Variants in LEKR1 observed in about 807,000 individuals in gnomAD.
LEKR1 encodes protein LEKR1.
A neutral mutation model predicts 72.4 loss-of-function variants in LEKR1; 59 were observed. The ratio of observed to expected loss-of-function variants is 0.82; its 90% CI spans 0.66 to 1.01. LEKR1 has a LOEUF of 1.01. Among genes scored for constraint, LEKR1 ranks in the 50% least tolerant of loss-of-function variants. The pLI is 0.00. For missense variants in LEKR1, 728 were observed against 759.2 expected, an observed-to-expected ratio of 0.96 and a Z score of 0.48; for synonymous variants, 257 against 263.2, an observed-to-expected ratio of 0.98 and a Z score of 0.23.
chr3:156,851,743 A>G (rs975607330), intron 2 of LEKR1, among the ~76,000 whole-genome samples: 6 of 152,086 alleles, frequency 3.9e-5, no homozygotes, highest in Admixed American at 6.6e-5. Flanking sequence ...TGGCATTACT[A>G]TTAGTTACAG....
rs902619193 is a variant in LEKR1 at position 156,899,243 on chromosome 3, CATATATATACAT to C, written c.264-21322_264-21311del. On this transcript the variant is annotated intron_variant, in intron 3 of 12. Transcript: ENST00000356539. Reference sequence around the variant, plus strand: ...CTGTGTTCCTAGCTCTGTCTATATACATATATATACATATATATATATACACACATGTATATA... The same window carrying C: ...CTGTGTTCCTAGCTCTGTCTATATACATATATATATACACACATGTATATA... 5.7e-4 allele frequency among the ~76,000 whole-genome samples: 25 copies of C among 43,600 alleles called. No individual in the cohort carries two copies. The South Asian group carries it at 0.021, about 37-fold the overall frequency. The allele number at this position is 43,600 out of a possible 152,430, so 28.6% of individuals were successfully genotyped here.
At chr3:156,990,554 T>C (rs1731072265) in intron 7 of LEKR1, among the ~76,000 whole-genome samples, 1 of 152,198 alleles carries the variant, frequency 6.6e-6, no homozygotes, top group Non-Finnish European at 1.5e-5. Context: ...CAGATCATCC[T>C]CCCCATTTAC....
At chr3:156,895,567 C>T (rs1459572086) in intron 3 of LEKR1, among the ~76,000 whole-genome samples, 1 of 151,900 alleles carries the variant, frequency 6.6e-6, no homozygotes, top group Admixed American at 6.6e-5. Flanking sequence ...GCTGAGATTG[C>T]ACCACTGCAC....
intron 3 of LEKR1, among the ~76,000 whole-genome samples, chr3:156,872,385 CTT>C (rs1174460657): frequency 3.3e-5 from 5 of 151,836 alleles, no homozygotes; most frequent in Non-Finnish European, 7.4e-5. Context: ...TCAAAATAAA[CTT>C]TTCATTTCAT....
At chr3:156,869,400 T>C (rs1452040171) in intron 3 of LEKR1, among the ~76,000 whole-genome samples, 4 of 152,084 alleles carry the variant, frequency 2.6e-5, no homozygotes, top group East Asian at 1.9e-4. Context: ...CTGTTCTAAC[T>C]GGGGTAAGAT....
rs184600388 is a variant in LEKR1 at position 157,004,184 on chromosome 3, C to G, written c.1110-7229C>G. 1.6e-4 allele frequency among the ~76,000 whole-genome samples: 24 copies of G among 152,066 alleles called. No homozygotes were observed. The South Asian group carries it at 3.9e-3, about 25-fold the overall frequency. On this transcript the variant is annotated intron_variant, in intron 9 of 12. Coordinates refer to ENST00000356539, the MANE Select transcript of LEKR1 (RefSeq NM_001004316.3). Reference sequence around the variant, plus strand: ...GACCCTAATCAGAAAGCTGTAATGGCTTTACAAAGTAGATTTTGGAACAAA... The same window carrying G: ...GACCCTAATCAGAAAGCTGTAATGGGTTTACAAAGTAGATTTTGGAACAAA...
intron 10 of LEKR1, chr3:157,017,217 A>T (rs894800465): frequency 3.3e-5 from 5 of 152,202 alleles, no homozygotes; most frequent in Non-Finnish European, 7.3e-5. Flanking sequence ...GGCATGGCTG[A>T]ATTTAGTCTG....
chr3:156,851,486 A>T (rs1715355161), intron 2 of LEKR1, among the ~76,000 whole-genome samples: 1 of 152,188 alleles, frequency 6.6e-6, no homozygotes, highest in East Asian at 1.9e-4. Context: ...GAAGTAGATT[A>T]ATGGAATTGA....
chr3:157,019,850 A>G (rs1733669231), intron 10 of LEKR1, among the ~76,000 whole-genome samples: 1 of 152,210 alleles, frequency 6.6e-6, no homozygotes, highest in Non-Finnish European at 1.5e-5. Flanking sequence ...TAATCAGATC[A>G]TGAAGGAACC....
chr3:156,881,970 C>A (rs1281022491), intron 3 of LEKR1, among the ~76,000 whole-genome samples: 1 of 146,886 alleles, frequency 6.8e-6, no homozygotes, highest in South Asian at 2.3e-4. Flanking sequence ...GAAACTGGAT[C>A]CCTTCCTTAC....
chr3:157,022,075 A>T (rs1430961692), intron 10 of LEKR1, among the ~76,000 whole-genome samples: 1 of 152,158 alleles, frequency 6.6e-6, no homozygotes, highest in Non-Finnish European at 1.5e-5. Context: ...GCCACCATAC[A>T]CAGTGTTTAA....
At chr3:156,905,072 G>A (rs1454064253) in intron 3 of LEKR1, among the ~76,000 whole-genome samples, 2 of 152,014 alleles carry the variant, frequency 1.3e-5, no homozygotes, top group South Asian at 2.1e-4. Context: ...TTTGGGAGAG[G>A]TGGGGAGAGA....
At chr3:156,929,882 T>C (rs753303116) in intron 5 of LEKR1, among the ~76,000 whole-genome samples, 60 of 152,312 alleles carry the variant, frequency 3.9e-4, no homozygotes, top group African/African-American at 1.4e-3. Context: ...TATGAGGTGA[T>C]AATATTTTCC....
At chr3:157,030,491 C>G (rs1001252491) in intron 12 of LEKR1, among the ~76,000 whole-genome samples, 1 of 151,992 alleles carries the variant, frequency 6.6e-6, no homozygotes, top group South Asian at 2.1e-4. Context: ...AAATTAATAT[C>G]CAAAGGAAAG....
At chr3:157,009,531 T>G (rs9822976) in intron 9 of LEKR1, among the ~76,000 whole-genome samples, 19,597 of 152,134 alleles carry the variant, frequency 0.13, 1,783 homozygotes, top group African/African-American at 0.25. Flanking sequence ...CCACTAATTG[T>G]GTACAAGGTT....
intron 6 of LEKR1, among the ~76,000 whole-genome samples, chr3:156,970,191 A>G (rs888565573): frequency 1.3e-5 from 2 of 152,230 alleles, no homozygotes; most frequent in African/African-American, 2.4e-5. Flanking sequence ...AACTGGAAGC[A>G]TTCCCTTTGA....
At chr3:156,903,798 G>A (rs2108564694) in intron 3 of LEKR1, among the ~76,000 whole-genome samples, 1 of 152,318 alleles carries the variant, frequency 6.6e-6, no homozygotes, top group East Asian at 1.9e-4. Context: ...ACCTGAAAGG[G>A]ATTGCCTATT....
At chr3:156,850,535 CCTCAT>C (rs1209113564) in intron 2 of LEKR1, among the ~76,000 whole-genome samples, 1 of 152,092 alleles carries the variant, frequency 6.6e-6, no homozygotes, top group African/African-American at 2.4e-5. Context: ...GCTACAGTGT[CCTCAT>C]CTCAGCTTCT....
chr3:156,939,323 TG>T (rs1725997254), intron 5 of LEKR1, among the ~76,000 whole-genome samples: 1 of 152,180 alleles, frequency 6.6e-6, no homozygotes, highest in Admixed American at 6.5e-5. Flanking sequence ...GAGAGAGACC[TG>T]GAACAGATCC....
Sources: gnomAD v4.1 joint callset for allele counts (sites outside exome capture counted in the v4.1 genomes callset) on GRCh38, gnomAD v4.1.1 for gene constraint, MANE v1.5 for transcripts, NCBI Gene and HGNC (gene_info 2026-07-23, HGNC 2026-07-21) for gene names.